Variants in TUSC3 observed in about 807,000 individuals in gnomAD.
TUSC3 encodes dolichyl-diphosphooligosaccharide--protein glycosyltransferase subunit TUSC3.
TUSC3 carries 45 observed loss-of-function variants against 44.8 expected under a neutral mutation model. That is an observed-to-expected ratio of 1.00 (90% CI 0.79 to 1.29). TUSC3 has a LOEUF of 1.29. TUSC3 is among the 50% of genes most tolerant of loss of function. The probability of loss-of-function intolerance (pLI) is 0.00; values close to 1 mark genes in which losing one functional copy is unlikely to be tolerated. For missense variants in TUSC3, 519 were observed against 437.9 expected (o/e 1.19, Z -1.65); for synonymous variants, 212 against 152.9 (o/e 1.39, Z -2.85).
At chr8:15,508,255 A>G (rs1239775133) in intron 2 of TUSC3, among the ~76,000 whole-genome samples, 2 of 152,104 alleles carry the variant, frequency 1.3e-5, no homozygotes, top group Non-Finnish European at 2.9e-5. Context: ...AATGACAACA[A>G]AAACAAAAAA....
chr8:15,508,887 T>C (rs1259748309), intron 2 of TUSC3, among the ~76,000 whole-genome samples: 1 of 152,236 alleles, frequency 6.6e-6, no homozygotes, highest in Non-Finnish European at 1.5e-5. Context: ...ACCTTAATTC[T>C]TCCATGTAGG....
At chr8:15,515,829 G>A (rs989514918) in intron 2 of TUSC3, among the ~76,000 whole-genome samples, 15 of 151,646 alleles carry the variant, frequency 9.9e-5, no homozygotes, top group African/African-American at 1.2e-4. Flanking sequence ...CACCACACCC[G>A]GCTATTTTTT....
At chr8:15,586,521 A>C (rs1803608978) in intron 1 of TUSC3, among the ~76,000 whole-genome samples, 1 of 152,186 alleles carries the variant, frequency 6.6e-6, no homozygotes, top group Non-Finnish European at 1.5e-5. Flanking sequence ...TTCCTGGAAC[A>C]CAAGTAAAGA....
the TUSC3 span, among the ~76,000 whole-genome samples, chr8:15,812,487 T>TAACA: frequency 6.6e-6 from 1 of 152,320 alleles, no homozygotes; most frequent in Non-Finnish European, 1.5e-5. Context: ...ATACACTTGT[T>TAACA]ACTGCTGTAA....
At chr8:15,461,793 A>G (rs2129121958) in intron 1 of TUSC3, among the ~76,000 whole-genome samples, 1 of 152,108 alleles carries the variant, frequency 6.6e-6, no homozygotes, top group Non-Finnish European at 1.5e-5. Flanking sequence ...ATGTATATCA[A>G]ATTAAAAGAT....
chr8:15,726,543 C>T (rs192348105), intron 6 of TUSC3, among the ~76,000 whole-genome samples: 25 of 152,172 alleles, frequency 1.6e-4, no homozygotes, highest in Middle Eastern at 3.4e-3. Context: ...CGGTGGCTCA[C>T]GCCTGTAATC....
intron 6 of TUSC3, among the ~76,000 whole-genome samples, chr8:15,677,721 T>G (rs761036606): frequency 4.6e-5 from 7 of 152,138 alleles, no homozygotes; most frequent in Non-Finnish European, 8.8e-5. Context: ...CCAGGTTCTA[T>G]GACACATAGC....
chr8:15,707,002 A>G (rs560777092), intron 6 of TUSC3, among the ~76,000 whole-genome samples: 1 of 151,988 alleles, frequency 6.6e-6, no homozygotes, highest in Non-Finnish European at 1.5e-5. Context: ...ATTTGTTGCT[A>G]TAAAAGTATA....
the TUSC3 span, among the ~76,000 whole-genome samples, chr8:15,825,918 CAAG>C: frequency 4.7e-4 from 56 of 118,306 alleles, no homozygotes; most frequent in African/African-American, 1.7e-3. Flanking sequence ...ACTCTTCAAA[CAAG>C]AAGCAATACA....
chr8:15,804,020 G>A, the TUSC3 span, among the ~76,000 whole-genome samples: 1 of 152,150 alleles, frequency 6.6e-6, no homozygotes, highest in East Asian at 1.9e-4. Flanking sequence ...ACGTGTGCAT[G>A]TGTCTTTATA....
chr8:15,751,897 C>A (rs967425662), intron 9 of TUSC3, among the ~76,000 whole-genome samples: 1 of 152,108 alleles, frequency 6.6e-6, no homozygotes, highest in African/African-American at 2.4e-5. Context: ...CCAGGTAAAT[C>A]TGATATAACC....
chr8:15,654,695 G>C (rs193258779), intron 3 of TUSC3, among the ~76,000 whole-genome samples: 385 of 152,250 alleles, frequency 2.5e-3, no homozygotes, highest in African/African-American at 8.5e-3. Context: ...TACTGGGGAG[G>C]CTGAGGCAGG....
the TUSC3 span, among the ~76,000 whole-genome samples, chr8:15,795,080 T>C: frequency 2.6e-5 from 4 of 152,128 alleles, no homozygotes; most frequent in Non-Finnish European, 5.9e-5. Context: ...ATTTGTCTTG[T>C]GTAGTATTTA....
At chr8:15,840,079 G>A in the TUSC3 span, among the ~76,000 whole-genome samples, 1 of 152,156 alleles carries the variant, frequency 6.6e-6, no homozygotes, top group African/African-American at 2.4e-5. Flanking sequence ...CCTTTGTAGG[G>A]ACATGGATGA....
intron 9 of TUSC3, among the ~76,000 whole-genome samples, chr8:15,750,206 C>T (rs1164620135): frequency 6.6e-6 from 1 of 151,908 alleles, no homozygotes. Context: ...GTCTCGATCT[C>T]CTGACCTCAT....
At chr8:15,549,952 G>A (rs987464997) in intron 1 of TUSC3, among the ~76,000 whole-genome samples, 5 of 151,596 alleles carry the variant, frequency 3.3e-5, no homozygotes, top group African/African-American at 1.2e-4. Context: ...CGAGCTCCCC[G>A]AGTGGGCAAT....
chr8:15,841,491 A>G, the TUSC3 span, among the ~76,000 whole-genome samples: 12 of 152,264 alleles, frequency 7.9e-5, no homozygotes, highest in Admixed American at 2.0e-4. Flanking sequence ...AATGCAAAGA[A>G]TTAATCTTTC....
At chr8:15,612,237 T>G (rs1413434977) in intron 1 of TUSC3, among the ~76,000 whole-genome samples, 1 of 152,108 alleles carries the variant, frequency 6.6e-6, no homozygotes, top group East Asian at 1.9e-4. Context: ...AACAAACACG[T>G]GAATAGCTGC....
In TUSC3 at chr8:15,501,821, A is replaced by G. The variant is rs958950153; in HGVS notation, n.189+18338A>G. Among the ~76,000 whole-genome samples, 7 of 152,204 alleles carry G rather than the reference A, an allele frequency of 4.6e-5. 1 individual carries two copies. The highest frequency in any genetic ancestry group is 8.8e-5 in the Non-Finnish European group (6 of 68,024). ...TTCAGTGCTCTTTCAGAAAGTTTTT[A>G]CCAAAGTCATACTGGTAGACAGTTA... On this transcript the variant is annotated intron_variant and non_coding_transcript_variant, in intron 2 of 5. Transcript: ENST00000503191.
Sources: gnomAD v4.1 joint callset for allele counts (sites outside exome capture counted in the v4.1 genomes callset) on GRCh38, gnomAD v4.1.1 for gene constraint, MANE v1.5 for transcripts, NCBI Gene and HGNC (gene_info 2026-07-23, HGNC 2026-07-21) for gene names.